The following ASIC2 variants were observed in gnomAD, a reference collection of about 807,000 sequenced individuals.
The protein encoded by ASIC2 is acid sensing ion channel subunit 2.
ASIC2 carries 25 observed loss-of-function variants against 57.3 expected under a neutral mutation model. The ratio of observed to expected loss-of-function variants is 0.44; its 90% confidence interval spans 0.32 to 0.61. ASIC2 has a LOEUF of 0.61. Among genes scored for constraint, ASIC2 ranks in the 20% least tolerant of loss-of-function variants. The pLI is 0.06. For missense variants in ASIC2, 641 were observed against 738.1 expected (o/e 0.87, Z 1.52); for synonymous variants, 319 against 307.5 (o/e 1.04, Z -0.39).
At chr17:33,773,057 CG>C (rs1911163523) in intron 1 of ASIC2, among the ~76,000 whole-genome samples, 1 of 152,146 alleles carries the variant, frequency 6.6e-6, no homozygotes, top group African/African-American at 2.4e-5. Context: ...CACATATTCA[CG>C]GCCATCTGAC....
intron 1 of ASIC2, among the ~76,000 whole-genome samples, chr17:33,265,423 C>T (rs746224039): frequency 7.9e-5 from 12 of 152,112 alleles, no homozygotes; most frequent in Admixed American, 1.3e-4. Flanking sequence ...AACCAAACAC[C>T]GCCATGTCCT....
chr17:33,573,716 C>T (rs995232393), intron 1 of ASIC2, among the ~76,000 whole-genome samples: 1 of 152,186 alleles, frequency 6.6e-6, no homozygotes, highest in African/African-American at 2.4e-5. Context: ...CAGGTGCATA[C>T]CACCACGCCC....
At chr17:33,016,107 C>A in intron 8 of ASIC2, 68 bp from the exon 9 acceptor site, 1 of 1,501,714 alleles carries the variant, frequency 6.7e-7, no homozygotes, top group Non-Finnish European at 9.2e-7. Context: ...GGACCTCCCT[C>A]CATTGGGCCC....
intron 1 of ASIC2, among the ~76,000 whole-genome samples, chr17:33,431,259 G>T (rs1911407804): frequency 6.6e-6 from 1 of 152,182 alleles, no homozygotes; most frequent in Admixed American, 6.5e-5. Context: ...TCCACATACT[G>T]ATGAGAAACT....
At chr17:33,820,548 C>T (rs1004296576) in intron 1 of ASIC2, among the ~76,000 whole-genome samples, 4 of 151,902 alleles carry the variant, frequency 2.6e-5, no homozygotes, top group Admixed American at 6.6e-5. Flanking sequence ...TGCCAATATA[C>T]GTGTATACAA....
At chr17:33,811,698 TC>T (rs1912426817) in intron 1 of ASIC2, among the ~76,000 whole-genome samples, 1 of 152,168 alleles carries the variant, frequency 6.6e-6, no homozygotes, top group African/African-American at 2.4e-5. Context: ...CTGAACTCAC[TC>T]TCAGGGGTTT....
chr17:33,493,397 A>G (rs1023155991), intron 1 of ASIC2, among the ~76,000 whole-genome samples: 2 of 152,206 alleles, frequency 1.3e-5, no homozygotes, highest in Non-Finnish European at 2.9e-5. Context: ...GTTTCCCCCA[A>G]GGGCATCCCC....
chr17:33,263,375 T>A (rs1217628246), intron 1 of ASIC2, among the ~76,000 whole-genome samples: 1 of 152,226 alleles, frequency 6.6e-6, no homozygotes, highest in African/African-American at 2.4e-5. Flanking sequence ...TTGTGGGTTT[T>A]TTATGTTTTG....
chr17:33,733,537 C>T (rs1909812833), intron 1 of ASIC2, among the ~76,000 whole-genome samples: 1 of 152,186 alleles, frequency 6.6e-6, no homozygotes. Flanking sequence ...GCATACATTC[C>T]TCTCTGAGTT....
intron 1 of ASIC2, among the ~76,000 whole-genome samples, chr17:33,846,510 G>A (rs1913607724): frequency 6.6e-6 from 1 of 152,142 alleles, no homozygotes; most frequent in South Asian, 2.1e-4. Context: ...GGATGCATGA[G>A]CTAGCTCTAA....
At chr17:33,928,957 C>A (rs560247081) in intron 1 of ASIC2, among the ~76,000 whole-genome samples, 4 of 152,144 alleles carry the variant, frequency 2.6e-5, no homozygotes, top group Non-Finnish European at 5.9e-5. Flanking sequence ...GGGAGGCGCT[C>A]GTTCTTGGAT....
chr17:33,553,036 T>C (rs1054323609), intron 1 of ASIC2, among the ~76,000 whole-genome samples: 4 of 152,130 alleles, frequency 2.6e-5, no homozygotes, highest in Admixed American at 6.5e-5. Context: ...GAGTCACTTG[T>C]TCTTTGGGGC....
At chr17:33,650,722 A>G (rs1597821729) in intron 1 of ASIC2, among the ~76,000 whole-genome samples, 1 of 152,348 alleles carries the variant, frequency 6.6e-6, no homozygotes, top group Middle Eastern at 3.4e-3. Flanking sequence ...AAAAAGAAAC[A>G]GTCTCAAAAG....
In ASIC2 at chr17:33,898,220, C is replaced by CTTTTTTTTTTTTTTTTTTTT. The variant is rs771624171; in HGVS notation, c.555+257738_555+257757dup. Among the ~76,000 whole-genome samples, 16 of 66,184 alleles carry CTTTTTTTTTTTTTTTTTTTT rather than the reference C, an allele frequency of 2.4e-4. 5 individuals are homozygous for CTTTTTTTTTTTTTTTTTTTT. Among genetic ancestry groups the CTTTTTTTTTTTTTTTTTTTT allele is most frequent in the Admixed American group, 5.0e-4 (2 of 4,020 alleles). The allele number at this position is 66,184 out of a possible 152,430, so 43.4% of individuals were successfully genotyped here. On this transcript the variant is annotated intron_variant, in intron 1 of 9. Coordinates refer to the ASIC2 transcript ENST00000359872. ...AAACTGCCCAGAGTTCATGTATAAT[C>CTTTTTTTTTTTTTTTTTTTT]TTTTTTTTTTTTTTTTTTTTTTTTT...
In ASIC2 at chr17:33,594,834, A is replaced by C. The variant is rs866644182; in HGVS notation, c.556-482767T>G. On this transcript the variant is annotated intron_variant, in intron 1 of 9. Transcript: ENST00000359872. ...CAGAGGGAGACTCCATTTCAAAAAA[A>C]AAAAAAAAAAGAGCTCTGTTTAAGC... Among the ~76,000 whole-genome samples the C allele has an allele frequency of 1.9e-3, 292 of 152,154 alleles. 1 individual carries two copies. Among genetic ancestry groups the C allele is most frequent in the African/African-American group, 6.6e-3 (274 of 41,494 alleles).
At chr17:33,158,422 C>T (rs1905071718) in intron 1 of ASIC2, among the ~76,000 whole-genome samples, 3 of 152,136 alleles carry the variant, frequency 2.0e-5, no homozygotes, top group Non-Finnish European at 4.4e-5. Flanking sequence ...ATTTCCCCTA[C>T]TGGTCTAGGG....
chr17:33,096,841 G>A (rs2092181954), intron 2 of ASIC2, among the ~76,000 whole-genome samples: 1 of 152,206 alleles, frequency 6.6e-6, no homozygotes, highest in Non-Finnish European at 1.5e-5. Flanking sequence ...GGAACAGCAA[G>A]TGCCAAGGCT....
intron 1 of ASIC2, among the ~76,000 whole-genome samples, chr17:33,918,948 G>T (rs1158603110): frequency 6.6e-6 from 1 of 152,184 alleles, no homozygotes. Flanking sequence ...CTGCCAACAA[G>T]AGTGGGTCTC....
At chr17:33,052,342 C>G (rs1172915231) in intron 3 of ASIC2, 1 of 152,202 alleles carries the variant, frequency 6.6e-6, no homozygotes, top group Admixed American at 6.5e-5. Flanking sequence ...CTTTGGGTAG[C>G]TAAACAGCTT....
Sources: gnomAD v4.1 joint callset for allele counts (sites outside exome capture counted in the v4.1 genomes callset) on GRCh38, gnomAD v4.1.1 for gene constraint, MANE v1.5 for transcripts, NCBI Gene and HGNC (gene_info 2026-07-23, HGNC 2026-07-21) for gene names.